Variants in ENOX1 observed in about 807,000 individuals in gnomAD.
The protein encoded by ENOX1 is ecto-NOX disulfide-thiol exchanger 1.
A neutral mutation model predicts 82.5 loss-of-function variants in ENOX1; 42 were observed. The ratio of observed to expected loss-of-function variants is 0.51; its 90% CI spans 0.40 to 0.66. ENOX1 has a LOEUF of 0.66. Among genes scored for constraint, ENOX1 ranks in the 30% least tolerant of loss-of-function variants. ENOX1 has a pLI of 0.00. For synonymous variants in ENOX1, 271 were observed against 282.2 expected (o/e 0.96, Z 0.40); for missense variants, 608 against 811.6 (o/e 0.75, Z 3.05).
intron 1 of ENOX1, among the ~76,000 whole-genome samples, chr13:43,672,218 T>C (rs9533577): frequency 0.071 from 10,867 of 152,170 alleles, 525 homozygotes; most frequent in African/African-American, 0.14. Context: ...AGGAAAAAAA[T>C]GTAGACACTT....
At chr13:43,375,142 G>T (rs2153570668) in intron 5 of ENOX1, among the ~76,000 whole-genome samples, 1 of 152,164 alleles carries the variant, frequency 6.6e-6, no homozygotes, top group South Asian at 2.1e-4. Context: ...CTCTACAATG[G>T]TGCTAAGTGC....
intron 2 of ENOX1, among the ~76,000 whole-genome samples, chr13:43,564,888 A>G (rs543638509): frequency 6.6e-6 from 1 of 152,254 alleles, no homozygotes; most frequent in African/African-American, 2.4e-5. Flanking sequence ...TACTATCATC[A>G]GTCCCATTCA....
intron 2 of ENOX1, among the ~76,000 whole-genome samples, chr13:43,604,682 TGATGAATGA>T (rs2081900148): frequency 6.6e-6 from 1 of 152,218 alleles, no homozygotes; most frequent in Non-Finnish European, 1.5e-5. Flanking sequence ...CACTTGGTCA[TGATGAATGA>T]TCAAGTTTAT....
At chr13:43,559,819 A>G (rs1225346308) in intron 2 of ENOX1, among the ~76,000 whole-genome samples, 2 of 152,218 alleles carry the variant, frequency 1.3e-5, no homozygotes, top group African/African-American at 4.8e-5. Flanking sequence ...AAAAATATCT[A>G]TTTTGGTGGG....
intron 14 of ENOX1, among the ~76,000 whole-genome samples, chr13:43,254,775 G>A (rs768114460): frequency 6.6e-5 from 10 of 151,992 alleles, no homozygotes; most frequent in South Asian, 2.1e-4. Context: ...CTAACAAATC[G>A]GAACACCTAG....
intron 1 of ENOX1, among the ~76,000 whole-genome samples, chr13:43,777,348 T>C (rs1951975778): frequency 6.6e-6 from 1 of 152,084 alleles, no homozygotes; most frequent in South Asian, 2.1e-4. Flanking sequence ...AAATGAGAAA[T>C]ATAATAGTCC....
At chr13:43,238,102 A>C (rs1285362237) in intron 14 of ENOX1, among the ~76,000 whole-genome samples, 1 of 152,232 alleles carries the variant, frequency 6.6e-6, no homozygotes, top group African/African-American at 2.4e-5. Context: ...GGTTGGCTAG[A>C]GGGTATAACA....
intron 15 of ENOX1, among the ~76,000 whole-genome samples, chr13:43,228,419 T>TA (rs2042122990): frequency 6.6e-6 from 1 of 152,138 alleles, no homozygotes; most frequent in African/African-American, 2.4e-5. Context: ...GTGCCTAATT[T>TA]AAAAAAATTT....
intron 2 of ENOX1, among the ~76,000 whole-genome samples, chr13:43,485,227 C>T (rs1230657037): frequency 6.6e-6 from 1 of 152,146 alleles, no homozygotes; most frequent in Non-Finnish European, 1.5e-5. Context: ...GGTTCCAGTG[C>T]AACACAGAGA....
At chr13:43,444,861 C>T (rs965782999) in intron 3 of ENOX1, among the ~76,000 whole-genome samples, 3 of 152,156 alleles carry the variant, frequency 2.0e-5, no homozygotes, top group African/African-American at 7.2e-5. Context: ...GTTGGATCCA[C>T]GTGCCACCCG....
chr13:43,255,240 A>C (rs1396280144), intron 14 of ENOX1, among the ~76,000 whole-genome samples: 1 of 152,214 alleles, frequency 6.6e-6, no homozygotes, highest in Non-Finnish European at 1.5e-5. Context: ...GGAAAATTCA[A>C]CATCTCTTCA....
chr13:43,294,672 T>C (rs145848081), intron 12 of ENOX1, among the ~76,000 whole-genome samples: 244 of 152,314 alleles, frequency 1.6e-3, no homozygotes, highest in African/African-American at 4.8e-3. Context: ...AAAAAGCCTG[T>C]AAGTGAATGT....
intron 1 of ENOX1, among the ~76,000 whole-genome samples, chr13:43,705,324 C>CTA (rs1320224649): frequency 4.3e-3 from 117 of 27,168 alleles, no homozygotes; most frequent in South Asian, 0.01. Context: ...CTCTCTCTCT[C>CTA]TCTCTCTATA....
At chr13:43,690,605 G>T (rs901279925) in intron 1 of ENOX1, among the ~76,000 whole-genome samples, 1 of 152,098 alleles carries the variant, frequency 6.6e-6, no homozygotes, top group Non-Finnish European at 1.5e-5. Context: ...TTAATTTTTC[G>T]TTTGATTTGA....
intron 1 of ENOX1, among the ~76,000 whole-genome samples, chr13:43,673,768 G>T (rs1354083476): frequency 6.6e-6 from 1 of 152,220 alleles, no homozygotes. Context: ...TTGTGTGCTT[G>T]TGTGTGCTCA....
intron 2 of ENOX1, among the ~76,000 whole-genome samples, chr13:43,530,057 T>C (rs948095518): frequency 2.6e-5 from 4 of 152,132 alleles, no homozygotes; most frequent in African/African-American, 4.8e-5. Context: ...GCTGTTTCAA[T>C]ACTCATCTAA....
chr13:43,535,350 C>T (rs962419018), intron 2 of ENOX1, among the ~76,000 whole-genome samples: 1 of 152,200 alleles, frequency 6.6e-6, no homozygotes, highest in Non-Finnish European at 1.5e-5. Flanking sequence ...TGAGCAAAAA[C>T]ATATGAGAAG....
chr13:43,709,752 T>C (rs1566808525), intron 1 of ENOX1, among the ~76,000 whole-genome samples: 1 of 152,156 alleles, frequency 6.6e-6, no homozygotes, highest in South Asian at 2.1e-4. Context: ...TACAAACTGA[T>C]TTTTAAATGA....
Position 43,737,865 on chromosome 13 carries a change from T to C in ENOX1, c.-285+48787A>G, listed in dbSNP as rs150217527. Among the ~76,000 whole-genome samples the C allele has an allele frequency of 1.6e-4, 25 of 152,266 alleles. No homozygotes were observed. The East Asian group carries it at 4.4e-3, about 27-fold the overall frequency. On this transcript the variant is annotated intron_variant, in intron 1 of 16. Coordinates refer to ENST00000690772, the MANE Select transcript of ENOX1 (RefSeq NM_001347969.2). ...ACAATGGGCCCTTACACAGCAAACA[T>C]ACCTACTAATGTGGTGTCTAATTCT...
Sources: gnomAD v4.1 joint callset for allele counts (sites outside exome capture counted in the v4.1 genomes callset) on GRCh38, gnomAD v4.1.1 for gene constraint, MANE v1.5 for transcripts, NCBI Gene and HGNC (gene_info 2026-07-23, HGNC 2026-07-21) for gene names.